TFEC: variants seen among roughly 807,000 people sequenced by gnomAD.
The protein encoded by TFEC is class E basic helix-loop-helix protein 34.
A neutral mutation model predicts 41.6 loss-of-function variants in TFEC; 31 were observed. That is an observed-to-expected ratio of 0.74 (90% CI 0.56 to 1.01). TFEC has a LOEUF of 1.01. Among genes scored for constraint, TFEC ranks in the 50% least tolerant of loss-of-function variants. The probability of loss-of-function intolerance (pLI) is 0.00; values close to 1 mark genes in which losing one functional copy is unlikely to be tolerated. For synonymous variants in TFEC, 143 were observed against 140.6 expected (o/e 1.02, Z -0.12); for missense variants, 402 against 404.1 (o/e 0.99, Z 0.04).
Position 115,967,478 on chromosome 7 carries a change from T to C in TFEC, c.267+6692A>G, listed in dbSNP as rs1239920523. Among the ~76,000 whole-genome samples the C allele has an allele frequency of 2.0e-5, 3 of 151,794 alleles. No individual in the cohort carries two copies. In the East Asian group the frequency reaches 5.8e-4, roughly 29 times the overall value. On this transcript the variant is annotated intron_variant, in intron 3 of 7. Transcript: ENST00000265440. ...GCGTTTGAAAGATTATTGTCTTTCCTTTTGGGTGTTTATTAATGTAGATGC... is the reference window on the plus strand; with the variant it reads ...GCGTTTGAAAGATTATTGTCTTTCCCTTTGGGTGTTTATTAATGTAGATGC...
chr7:115,973,024 G>T (rs138238091), intron 3 of TFEC, among the ~76,000 whole-genome samples: 1 of 151,932 alleles, frequency 6.6e-6, no homozygotes, highest in Admixed American at 6.6e-5. Context: ...TAGTTTTCAT[G>T]TCACTATGGC....
chr7:115,979,418 T>C (rs1312697387), intron 2 of TFEC, among the ~76,000 whole-genome samples: 1 of 152,084 alleles, frequency 6.6e-6, no homozygotes, highest in African/African-American at 2.4e-5. Context: ...TTCCTCTAAG[T>C]CTTTTTATAT....
intron 1 of TFEC, among the ~76,000 whole-genome samples, chr7:116,133,259 G>GA (rs11455337): frequency 0.64 from 97,059 of 151,900 alleles, 31,724 homozygotes; most frequent in African/African-American, 0.78. Flanking sequence ...TCCTTAATTA[G>GA]AAAAGTCTGG....
chr7:116,151,162 G>C (rs1442516384), intron 1 of TFEC, among the ~76,000 whole-genome samples: 1 of 151,132 alleles, frequency 6.6e-6, no homozygotes, highest in Non-Finnish European at 1.5e-5. Context: ...TTAAAAGAAT[G>C]ATCAATCTTA....
intron 1 of TFEC, among the ~76,000 whole-genome samples, chr7:116,018,066 T>C (rs942111014): frequency 6.6e-6 from 1 of 152,190 alleles, no homozygotes; most frequent in Non-Finnish European, 1.5e-5. Flanking sequence ...AATATAGTAT[T>C]AATAACTACC....
At chr7:116,089,168 C>T (rs1797267547) in intron 3 of TFEC, among the ~76,000 whole-genome samples, 2 of 151,968 alleles carry the variant, frequency 1.3e-5, no homozygotes, top group African/African-American at 2.4e-5. Context: ...CTGTTTATCA[C>T]AGAAAAGCAT....
chr7:116,008,443 TTTAA>T (rs1794882983), intron 1 of TFEC, among the ~76,000 whole-genome samples: 1 of 152,180 alleles, frequency 6.6e-6, no homozygotes, highest in Non-Finnish European at 1.5e-5. Flanking sequence ...ACAGCCCTTA[TTTAA>T]TTTTGTTAAT....
At chr7:115,980,499 C>A (rs1201770624) in intron 2 of TFEC, among the ~76,000 whole-genome samples, 1 of 152,140 alleles carries the variant, frequency 6.6e-6, no homozygotes, top group African/African-American at 2.4e-5. Context: ...CCTGCAATCC[C>A]AGCACTTTGG....
intron 1 of TFEC, among the ~76,000 whole-genome samples, chr7:116,131,530 CATATT>C (rs1798332102): frequency 6.6e-6 from 1 of 152,248 alleles, no homozygotes; most frequent in South Asian, 2.1e-4. Context: ...CAAGTGTAAT[CATATT>C]ATGTTTTTAT....
intron 1 of TFEC, among the ~76,000 whole-genome samples, chr7:116,138,167 C>A (rs1270727234): frequency 6.6e-6 from 1 of 152,062 alleles, no homozygotes; most frequent in African/African-American, 2.4e-5. Flanking sequence ...TCTGACACTG[C>A]TGCAATAAAC....
chr7:115,965,639 A>G (rs1055638961), intron 3 of TFEC, among the ~76,000 whole-genome samples: 1 of 151,744 alleles, frequency 6.6e-6, no homozygotes, highest in African/African-American at 2.4e-5. Flanking sequence ...TTGAGACAAT[A>G]CATGTTTTCA....
At chr7:115,946,478 C>T (rs576452319) in intron 6 of TFEC, among the ~76,000 whole-genome samples, 10 of 148,552 alleles carry the variant, frequency 6.7e-5, no homozygotes, top group East Asian at 2.1e-4. Flanking sequence ...TGCAGTGGTG[C>T]GATCATGGCT....
intron 3 of TFEC, among the ~76,000 whole-genome samples, chr7:116,042,432 T>C (rs1358281830): frequency 6.6e-6 from 1 of 152,200 alleles, no homozygotes; most frequent in African/African-American, 2.4e-5. Flanking sequence ...CATGAGTATG[T>C]TCAGAGTTGT....
chr7:116,126,573 G>T (rs1429228251), intron 1 of TFEC, among the ~76,000 whole-genome samples: 1 of 151,960 alleles, frequency 6.6e-6, no homozygotes, highest in South Asian at 2.1e-4. Flanking sequence ...AGTGAAAAAA[G>T]AACACAATAG....
intron 3 of TFEC, among the ~76,000 whole-genome samples, chr7:116,081,925 C>T (rs1246758833): frequency 6.6e-6 from 1 of 151,958 alleles, no homozygotes; most frequent in Non-Finnish European, 1.5e-5. Context: ...CTTTTAAATG[C>T]TACCTCTTCT....
intron 6 of TFEC, among the ~76,000 whole-genome samples, chr7:115,949,865 T>C (rs1311434308): frequency 1.3e-5 from 2 of 152,018 alleles, no homozygotes; most frequent in East Asian, 1.9e-4. Context: ...CTAATTAAAC[T>C]AAAGAGCTTC....
At chr7:116,062,403 C>T (rs1419346958) in intron 3 of TFEC, among the ~76,000 whole-genome samples, 2 of 150,028 alleles carry the variant, frequency 1.3e-5, no homozygotes, top group African/African-American at 4.9e-5. Context: ...ATTCTTATGC[C>T]TTTGCATATT....
At chr7:116,129,029 G>C (rs562083488) in intron 1 of TFEC, among the ~76,000 whole-genome samples, 36 of 151,738 alleles carry the variant, frequency 2.4e-4, no homozygotes, top group Non-Finnish European at 4.4e-4. Context: ...AAAAACCAAA[G>C]TCCAGACATG....
At chr7:116,074,710 T>C (rs1478182400) in intron 3 of TFEC, among the ~76,000 whole-genome samples, 3 of 152,118 alleles carry the variant, frequency 2.0e-5, no homozygotes, top group African/African-American at 7.2e-5. Flanking sequence ...TTCCTTGAAG[T>C]ATGAAACATA....
Sources: gnomAD v4.1 joint callset for allele counts (sites outside exome capture counted in the v4.1 genomes callset) on GRCh38, gnomAD v4.1.1 for gene constraint, MANE v1.5 for transcripts, NCBI Gene and HGNC (gene_info 2026-07-23, HGNC 2026-07-21) for gene names.